DNAI2: variants seen among roughly 807,000 people sequenced by gnomAD.
DNAI2 encodes dynein, axonemal, intermediate polypeptide 2.
In DNAI2, 63 loss-of-function variants were observed where a neutral mutation model predicts 74.7. The ratio of observed to expected loss-of-function variants is 0.84; its 90% CI spans 0.69 to 1.04. The LOEUF (loss-of-function observed/expected upper bound fraction) is 1.04, where lower values mean the gene tolerates loss of function less well. DNAI2 is among the 50% of genes least tolerant of loss of function. The pLI is 0.00. For synonymous variants in DNAI2, 289 were observed against 314.9 expected, an observed-to-expected ratio of 0.92 and a Z score of 0.87; for missense variants, 688 against 803.2, an observed-to-expected ratio of 0.86 and a Z score of 1.73.
Position 74,314,118 on chromosome 17 carries a change from C to A in DNAI2, c.1723-3C>A. 1 of 1,613,972 alleles carries A rather than the reference C, an allele frequency of 6.2e-7. No homozygotes were observed. Among genetic ancestry groups the A allele is most frequent in the Non-Finnish European group, 8.5e-7 (1 of 1,179,886 alleles). On this transcript the variant is annotated splice_polypyrimidine_tract_variant and splice_region_variant and intron_variant, in intron 12 of 13. Coordinates refer to ENST00000311014, the MANE Select transcript of DNAI2 (RefSeq NM_023036.6). The stretch of plus-strand genomic sequence containing the variant: ...AACACTTCTGTGCTGTCTTCCCCTG[C>A]AGCAGCAACCAAGTCCAGAAGAAGA...
At chr17:74,285,923 GGAA>G (rs756748793) in intron 3 of DNAI2, among the ~76,000 whole-genome samples, 1 of 150,932 alleles carries the variant, frequency 6.6e-6, no homozygotes, top group Non-Finnish European at 1.5e-5. Context: ...TGCAAGGACA[GGAA>G]GAAGGAGATG....
chr17:74,313,470 A>G (rs1345792644), intron 12 of DNAI2, among the ~76,000 whole-genome samples: 1 of 151,400 alleles, frequency 6.6e-6, no homozygotes, highest in Non-Finnish European at 1.5e-5. Context: ...CCCACTCACC[A>G]CTCCTGGCCT....
At chr17:74,314,010 C>G (rs2053682946) in intron 12 of DNAI2, 111 bp from the exon 13 acceptor site, 1 of 1,584,258 alleles carries the variant, frequency 6.3e-7, no homozygotes, top group African/African-American at 1.3e-5. Flanking sequence ...CTCAGCGACC[C>G]AGGCTTCAGC....
At chr17:74,294,350 C>T (rs567116640) in intron 6 of DNAI2, among the ~76,000 whole-genome samples, 1 of 150,594 alleles carries the variant, frequency 6.6e-6, no homozygotes, top group South Asian at 2.1e-4. Flanking sequence ...CACTCTGTCA[C>T]CCAAGCTGGA....
chr17:74,301,794 G>A (rs2052784865), intron 8 of DNAI2, among the ~76,000 whole-genome samples: 1 of 141,780 alleles, frequency 7.1e-6, no homozygotes, highest in African/African-American at 2.7e-5. Flanking sequence ...CGCCCGCCCA[G>A]TCTTTACCAA....
At chr17:74,289,343 A>G (rs539574144) in intron 4 of DNAI2, among the ~76,000 whole-genome samples, 9 of 152,218 alleles carry the variant, frequency 5.9e-5, no homozygotes, top group Non-Finnish European at 1.2e-4. Flanking sequence ...CCTAGGAAAC[A>G]TGGTAAAAAC....
At chr17:74,290,951 G>A (rs925674573) in intron 5 of DNAI2, 69 bp from the exon 6 acceptor site, 19 of 1,380,304 alleles carry the variant, frequency 1.4e-5, no homozygotes, top group Admixed American at 1.2e-4. Flanking sequence ...CCCGCAGAAG[G>A]GGTGAAACTG....
rs143111885 is a variant in DNAI2 at position 74,285,960 on chromosome 17, T to C, written c.345+759T>C. Among the ~76,000 whole-genome samples the C allele has an allele frequency of 6.0e-3, 374 of 62,234 alleles. 2 individuals are homozygous for C. The highest frequency in any genetic ancestry group is 9.9e-3 in the Non-Finnish European group (213 of 21,602). 40.8% of individuals were successfully genotyped at this position (62,234 alleles called of 152,430 possible). ...TGAGTGCCATATACACACACACACA[T>C]ATATATATATAGAGAGAGAGAGAGA... On this transcript the variant is annotated intron_variant, in intron 3 of 13. Transcript: ENST00000311014.
At chr17:74,310,310 T>C in intron 11 of DNAI2, 147 bp downstream of exon 11, 1 of 1,216,312 alleles carries the variant, frequency 8.2e-7, no homozygotes, top group Admixed American at 2.3e-5. Context: ...GTGGGCTCCA[T>C]AAATAGGTGT....
intron 3 of DNAI2, among the ~76,000 whole-genome samples, chr17:74,286,315 TAA>T (rs2051732724): frequency 1.3e-5 from 2 of 148,152 alleles, no homozygotes; most frequent in African/African-American, 4.9e-5. Context: ...ATAATAATAA[TAA>T]TAATAATAAT....
intron 12 of DNAI2, among the ~76,000 whole-genome samples, chr17:74,312,483 C>A (rs914111736): frequency 3.3e-5 from 5 of 152,186 alleles, no homozygotes; most frequent in African/African-American, 9.7e-5. Context: ...CCCCTCCCCC[C>A]AGAGAGGGCA....
intron 3 of DNAI2, among the ~76,000 whole-genome samples, chr17:74,285,948 C>T (rs1367416668): frequency 7.1e-5 from 2 of 28,146 alleles, no homozygotes; most frequent in African/African-American, 8.7e-5. Flanking sequence ...GTGCCATATA[C>T]ACACACACAC....
At chr17:74,286,194 G>A (rs991050157) in intron 3 of DNAI2, among the ~76,000 whole-genome samples, 16 of 151,298 alleles carry the variant, frequency 1.1e-4, no homozygotes, top group Non-Finnish European at 1.6e-4. Flanking sequence ...TACTTAGGAG[G>A]CCGAGGCAGG....
intron 10 of DNAI2, 32 bp downstream of exon 10, chr17:74,309,420 G>A (rs1447899343): frequency 6.2e-7 from 1 of 1,613,924 alleles, no homozygotes; most frequent in Non-Finnish European, 8.5e-7. Flanking sequence ...GTGCATCCAG[G>A]TCCTCAGGGA....
chr17:74,277,494 T>C (rs67934770), intron 1 of DNAI2, among the ~76,000 whole-genome samples: 43,910 of 152,166 alleles, frequency 0.29, 7,663 homozygotes, highest in East Asian at 0.78. Context: ...GGGGTGGTAC[T>C]GTCTTCAAGA....
At chr17:74,308,037 A>G (rs2144096347) in intron 9 of DNAI2, among the ~76,000 whole-genome samples, 1 of 152,144 alleles carries the variant, frequency 6.6e-6, no homozygotes, top group East Asian at 1.9e-4. Flanking sequence ...ACCTCAGGTG[A>G]TCCACCATTC....
At chr17:74,289,006 G>A (rs575045111) in intron 4 of DNAI2, among the ~76,000 whole-genome samples, 61 of 152,328 alleles carry the variant, frequency 4.0e-4, no homozygotes, top group African/African-American at 1.2e-3. Flanking sequence ...TCACTACCAC[G>A]ACTGACTTAG....
At chr17:74,304,186 C>CTTTTTTTTTT (rs56696514) in intron 8 of DNAI2, among the ~76,000 whole-genome samples, 49 of 67,654 alleles carry the variant, frequency 7.2e-4, no homozygotes, top group African/African-American at 1.3e-3. Context: ...TTTCTTTTTT[C>CTTTTTTTTTT]TTTTTTTTTT....
intron 1 of DNAI2, among the ~76,000 whole-genome samples, chr17:74,275,971 T>C (rs982609438): frequency 4.6e-5 from 7 of 152,116 alleles, no homozygotes; most frequent in African/African-American, 1.7e-4. Flanking sequence ...AGGAACCCAG[T>C]AGGGGCTGTA....
Sources: gnomAD v4.1 joint callset for allele counts (sites outside exome capture counted in the v4.1 genomes callset) on GRCh38, gnomAD v4.1.1 for gene constraint, MANE v1.5 for transcripts, NCBI Gene and HGNC (gene_info 2026-07-23, HGNC 2026-07-21) for gene names.